Variants in COL8A1 observed in about 807,000 individuals in gnomAD.
COL8A1 encodes collagen alpha-1(VIII) chain.
COL8A1 carries 21 observed loss-of-function variants against 42.7 expected under a neutral mutation model. The ratio of observed to expected loss-of-function variants is 0.49; its 90% CI spans 0.35 to 0.71. The LOEUF is 0.71. Ranked by LOEUF, COL8A1 falls within the 30% of genes least tolerant of loss-of-function variation. The pLI, the probability that COL8A1 is intolerant of heterozygous loss-of-function variation, is 0.01. For synonymous variants in COL8A1, 367 were observed against 369.1 expected (o/e 0.99, Z 0.06); for missense variants, 788 against 962.4 (o/e 0.82, Z 2.40).
intron 1 of COL8A1, among the ~76,000 whole-genome samples, chr3:99,643,410 A>G (rs1937550573): frequency 6.6e-6 from 1 of 152,210 alleles, no homozygotes; most frequent in East Asian, 1.9e-4. Context: ...GATATGGTAC[A>G]TAGTAGCTGC....
intron 2 of COL8A1, among the ~76,000 whole-genome samples, chr3:99,780,404 C>T (rs1188787786): frequency 6.6e-6 from 1 of 152,176 alleles, no homozygotes; most frequent in Non-Finnish European, 1.5e-5. Context: ...TCATGCCCCT[C>T]GCTACTTCCT....
Position 99,795,797 on chromosome 3 carries a change from A to G in COL8A1, c.1896A>G (p.Pro632=). 2 of 1,614,166 alleles carry G rather than the reference A, an allele frequency of 1.2e-6. No homozygotes were observed. The highest frequency in any genetic ancestry group is 2.2e-5 in the East Asian group (1 of 44,890). The change falls in exon 4 of 4, where the codon CCA becomes CCG. Residue 632 remains proline (P), a synonymous_variant. Transcript: ENST00000652472. ...CACCTTTCCCACCGGTGGGGGCCCC[A>G]GTGAAGTTTAACAAACTGCTGTATA... ...LTAPFPPVGA[P]VKFNKLLYNG... is the part of the protein sequence containing the mutation.
chr3:99,732,788 C>A (rs1193598051), intron 1 of COL8A1, among the ~76,000 whole-genome samples: 1 of 152,096 alleles, frequency 6.6e-6, no homozygotes, highest in Non-Finnish European at 1.5e-5. Context: ...AGTCCAAGTC[C>A]AAAGTCTCAT....
rs1942132368 is a variant in COL8A1, at chr3:99,797,921, A to ACC, written c.*1786_*1787insCC. The ACC allele has an allele frequency of 6.6e-6, 1 of 152,198 alleles. No individual in the cohort carries two copies. Among genetic ancestry groups the ACC allele is most frequent in the Non-Finnish European group, 1.5e-5 (1 of 68,038 alleles). The allele number at this position is 152,198 out of a possible 1,614,324, so 9.4% of individuals were successfully genotyped here. A position where few individuals can be genotyped will look rare whatever the true frequency, so the allele number is the denominator to read the frequency against. ...TTGGGCATTCTAATCTGGTCTCCAA[A>ACC]CACCAAAGACCCATTTCGAGCCTGC... On this transcript the variant is annotated 3_prime_UTR_variant, in exon 4 of 4. Coordinates refer to ENST00000652472, the MANE Select transcript of COL8A1 (RefSeq NM_020351.4).
At chr3:99,721,772 T>C (rs891894024) in intron 1 of COL8A1, among the ~76,000 whole-genome samples, 1 of 152,064 alleles carries the variant, frequency 6.6e-6, no homozygotes, top group Non-Finnish European at 1.5e-5. Flanking sequence ...AAGAAAGGTA[T>C]GTCTGCAAGT....
At chr3:99,751,774 C>T (rs1941154717) in intron 2 of COL8A1, among the ~76,000 whole-genome samples, 2 of 152,248 alleles carry the variant, frequency 1.3e-5, no homozygotes, top group Non-Finnish European at 2.9e-5. Context: ...TCACAATGAA[C>T]ACTTATAAAG....
chr3:99,792,458 C>T (rs1037835401), intron 3 of COL8A1, among the ~76,000 whole-genome samples: 10 of 152,208 alleles, frequency 6.6e-5, no homozygotes, highest in African/African-American at 2.2e-4. Context: ...GTCCCAGCAG[C>T]ATGGGAGATC....
At chr3:99,688,636 T>G (rs550217664) in intron 1 of COL8A1, among the ~76,000 whole-genome samples, 6 of 152,316 alleles carry the variant, frequency 3.9e-5, no homozygotes, top group Non-Finnish European at 8.8e-5. Context: ...ATGAACATTT[T>G]GGGAGGTTCA....
intron 1 of COL8A1, among the ~76,000 whole-genome samples, chr3:99,701,004 G>A (rs1939521315): frequency 6.6e-6 from 1 of 152,102 alleles, no homozygotes; most frequent in South Asian, 2.1e-4. Flanking sequence ...AGGCTCCTAA[G>A]GTCAGAAGGT....
intron 1 of COL8A1, among the ~76,000 whole-genome samples, chr3:99,672,711 T>G (rs1030973534): frequency 6.6e-6 from 1 of 152,024 alleles, no homozygotes. Context: ...ATTTGTTGCA[T>G]TAACTAACTT....
At chr3:99,641,291 G>A (rs1213321633) in intron 1 of COL8A1, among the ~76,000 whole-genome samples, 2 of 152,124 alleles carry the variant, frequency 1.3e-5, no homozygotes, top group Non-Finnish European at 2.9e-5. Context: ...GGATGGGGAA[G>A]AGCAAAAATC....
At chr3:99,660,766 G>A (rs1300402322) in intron 1 of COL8A1, among the ~76,000 whole-genome samples, 1 of 152,134 alleles carries the variant, frequency 6.6e-6, no homozygotes, top group Non-Finnish European at 1.5e-5. Flanking sequence ...AGGGCTGGGG[G>A]CAGAACCAAT....
At chr3:99,724,380 T>C (rs918195356) in intron 1 of COL8A1, among the ~76,000 whole-genome samples, 5 of 152,128 alleles carry the variant, frequency 3.3e-5, no homozygotes, top group African/African-American at 1.2e-4. Flanking sequence ...CCTTTCACCA[T>C]GACCCGTCCT....
At chr3:99,735,052 T>C (rs2107390956) in intron 1 of COL8A1, among the ~76,000 whole-genome samples, 1 of 151,630 alleles carries the variant, frequency 6.6e-6, no homozygotes, top group African/African-American at 2.4e-5. Flanking sequence ...GATTTTGGGC[T>C]GAGATAATGG....
chr3:99,673,231 T>C (rs1222624123), intron 1 of COL8A1, among the ~76,000 whole-genome samples: 1 of 152,074 alleles, frequency 6.6e-6, no homozygotes, highest in African/African-American at 2.4e-5. Context: ...AAGGTCATAA[T>C]TTTATCAAAA....
chr3:99,654,936 A>C (rs1176391269), intron 1 of COL8A1, among the ~76,000 whole-genome samples: 1 of 152,162 alleles, frequency 6.6e-6, no homozygotes. Context: ...TTGTTTGGTT[A>C]GGACTTCCAT....
chr3:99,713,465 C>T (rs1230709186), intron 1 of COL8A1, among the ~76,000 whole-genome samples: 2 of 152,130 alleles, frequency 1.3e-5, no homozygotes, highest in South Asian at 2.1e-4. Context: ...AAAGCTCACA[C>T]TTGTTAAATG....
intron 2 of COL8A1, among the ~76,000 whole-genome samples, chr3:99,783,717 G>GGA (rs902087468): frequency 1.6e-4 from 25 of 152,322 alleles, no homozygotes; most frequent in Non-Finnish European, 3.1e-4. Context: ...CAAGGTAGCA[G>GGA]GAGAGAGAGA....
chr3:99,739,069 C>T (rs559873552), intron 1 of COL8A1, among the ~76,000 whole-genome samples: 3 of 152,188 alleles, frequency 2.0e-5, no homozygotes, highest in Admixed American at 6.5e-5. Context: ...GGCAATGCCT[C>T]GCCCTGCTTT....
Sources: allele counts gnomAD v4.1 joint callset (sites outside exome capture counted in the v4.1 genomes callset), GRCh38; gene constraint gnomAD v4.1.1; transcripts MANE v1.5; gene names NCBI Gene and HGNC (gene_info 2026-07-23, HGNC 2026-07-21).